The following NISCH variants were observed in gnomAD, a reference collection of about 807,000 sequenced individuals.
NISCH encodes the protein I-1 receptor candidate protein.
In NISCH, 55 loss-of-function variants were observed where a neutral mutation model predicts 138.4. The ratio of observed to expected loss-of-function variants is 0.40; its 90% confidence interval spans 0.32 to 0.50. NISCH has a LOEUF of 0.50. Ranked by LOEUF, NISCH falls within the 20% of genes least tolerant of loss-of-function variation. The pLI, the probability that NISCH is intolerant of heterozygous loss-of-function variation, is 0.71. For synonymous variants in NISCH, 860 were observed against 861.5 expected (o/e 1.00, Z 0.03); for missense variants, 1,643 against 2,005.5 (o/e 0.82, Z 3.45).
At chr3:52,471,566 C>T in intron 4 of NISCH, 1 of 571,940 alleles carries the variant, frequency 1.7e-6, no homozygotes, top group Non-Finnish European at 3.1e-6. Flanking sequence ...GGCCTCACTC[C>T]TCCCTCAGTG....
At chr3:52,484,676 TG>T (rs1160009678) in intron 14 of NISCH, 39 bp downstream of exon 14, 1 of 1,610,694 alleles carries the variant, frequency 6.2e-7, no homozygotes, top group African/African-American at 1.3e-5. Flanking sequence ...CATACATCTG[TG>T]GGTGGACTCT....
chr3:52,457,982 CT>C, intron 2 of NISCH, 56 bp downstream of exon 2: 1 of 1,340,544 alleles, frequency 7.5e-7, no homozygotes, highest in Non-Finnish European at 1.1e-6. Context: ...CGTAGGCCAA[CT>C]TTCCATTGTG....
intron 3 of NISCH, among the ~76,000 whole-genome samples, chr3:52,459,253 C>T (rs985039643): frequency 3.3e-5 from 5 of 152,076 alleles, no homozygotes; most frequent in East Asian, 1.9e-4. Context: ...CATCTTGGGG[C>T]GTGTCATCAG....
chr3:52,471,157 G>A, intron 4 of NISCH: 1 of 552,558 alleles, frequency 1.8e-6, no homozygotes, highest in Non-Finnish European at 3.2e-6. Flanking sequence ...CCTCGCACCT[G>A]GTTTGTGCTT....
intron 14 of NISCH, 63 bp downstream of exon 14, chr3:52,484,700 T>C (rs1175121160): frequency 2.5e-6 from 4 of 1,598,754 alleles, no homozygotes; most frequent in Non-Finnish European, 3.4e-6. Context: ...TGCTTGGGGT[T>C]GTGTGCAGTA....
rs1422831765 is a variant in NISCH, at chr3:52,492,065, C to T, written c.4098C>T (p.Gly1366=). 1 of 1,612,754 alleles carries T rather than the reference C, an allele frequency of 6.2e-7. No homozygotes were observed. Among genetic ancestry groups the T allele is most frequent in the Non-Finnish European group, 8.5e-7 (1 of 1,179,882 alleles). ...VGMPPPGCCR[G]PLRPKTLLLT... ...TGCCACCCCCTGGGTGCTGCAGGGG[C>T]CCCCTGCGCCCCAAGACACTCCTGC... is the stretch of plus-strand genomic sequence containing the variant. The change falls in exon 21 of 21, where the codon GGC becomes GGT. Residue 1366 remains glycine (G), a synonymous_variant. Coordinates refer to ENST00000345716, the MANE Select transcript of NISCH (RefSeq NM_007184.4).
chr3:52,477,765 G>A (rs1183321013), intron 9 of NISCH, 123 bp downstream of exon 9: 7 of 793,698 alleles, frequency 8.8e-6, no homozygotes, highest in East Asian at 2.5e-5. Flanking sequence ...TGCTGTCTTC[G>A]CTTTAGGATC....
At position 52,458,845 on chromosome 3, in the gene NISCH, G is replaced by A; in HGVS notation, c.360+1G>A. ...CCACTTCTTGCATTTTCACTTCTAT[G>A]TAAGTTCCTCATCGGGTTTTCACCT... On this transcript the variant is annotated splice_donor_variant, in intron 3 of 20. Coordinates refer to ENST00000345716, the MANE Select transcript of NISCH (RefSeq NM_007184.4). LOFTEE classifies it high-confidence loss of function. The A allele has an allele frequency of 6.3e-7, 1 of 1,586,626 alleles. No homozygotes were observed. The highest frequency in any genetic ancestry group is 8.6e-7 in the Non-Finnish European group (1 of 1,169,276).
intron 19 of NISCH, 79 bp from the exon 20 acceptor site, chr3:52,491,273 G>T: frequency 6.6e-7 from 1 of 1,521,510 alleles, no homozygotes; most frequent in Non-Finnish European, 8.8e-7. Context: ...GCTTGCTAGG[G>T]ACTCGGGGTG....
At chr3:52,470,184 GAATTAGGATC>G (rs1411473520) in intron 3 of NISCH, among the ~76,000 whole-genome samples, 1 of 152,118 alleles carries the variant, frequency 6.6e-6, no homozygotes, top group East Asian at 1.9e-4. Context: ...GACCCAGTAT[GAATTAGGATC>G]CAAGCGTGTT....
intron 14 of NISCH, among the ~76,000 whole-genome samples, chr3:52,485,319 C>G (rs1027394481): frequency 2.0e-5 from 3 of 152,232 alleles, no homozygotes; most frequent in Non-Finnish European, 4.4e-5. Flanking sequence ...CCACAGTATT[C>G]TGCCATCACC....
intron 8 of NISCH, among the ~76,000 whole-genome samples, chr3:52,476,910 T>C (rs1437743148): frequency 6.6e-6 from 1 of 152,136 alleles, no homozygotes; most frequent in Non-Finnish European, 1.5e-5. Flanking sequence ...GGTGCACACC[T>C]GTAATCCCAG....
chr3:52,489,537 G>C lies in NISCH; in HGVS notation c.3315G>C (p.Gln1105His), dbSNP rs1182583919. ...PAPPPAEAPA[Q>H]YPSEHLIQAT... The stretch of plus-strand genomic sequence containing the variant: ...CACCCCCAGCCGAGGCCCCTGCCCA[G>C]TACCCGAGTGAGCACCTCATCCAGG... Residue 1105 changes from glutamine (Q) to histidine (H), a missense_variant, in exon 17 of 21, where the codon CAG becomes CAC. By Grantham distance (24) the Gln-to-His change is conservative. Transcript: ENST00000345716. The C allele has an allele frequency of 6.2e-7, 1 of 1,613,240 alleles. No individual in the cohort carries two copies. The highest frequency in any genetic ancestry group is 8.5e-7 in the Non-Finnish European group (1 of 1,179,996).
intron 19 of NISCH, 64 bp from the exon 20 acceptor site, chr3:52,491,288 T>C: frequency 6.5e-7 from 1 of 1,549,774 alleles, no homozygotes; most frequent in Non-Finnish European, 8.7e-7. Context: ...GGGGTGGCTC[T>C]AAGGGGCAGG....
rs763889796 is a variant in NISCH, at chr3:52,473,782, C to G, written c.718C>G (p.Pro240Ala). The change falls in exon 7 of 21, where the codon CCC becomes GCC. Residue 240 changes from proline to alanine, a missense_variant. By Grantham distance (27) the Pro-to-Ala change is conservative (BLOSUM62 -1). Coordinates refer to ENST00000345716, the MANE Select transcript of NISCH (RefSeq NM_007184.4). ...KHIRGLVASKPTLATLSVRFS... is the reference protein window; with the variant it reads ...KHIRGLVASKATLATLSVRFS... ...CATCAGAGGGCTGGTCGCATCGAAG[C>G]CCACCTTAGCCACGCTGAGTGTCCG... 8 of 1,609,658 alleles carry G rather than the reference C, an allele frequency of 5.0e-6. No homozygotes were observed. In the East Asian group the frequency reaches 1.6e-4, roughly 32 times the overall value.
Position 52,487,502 on chromosome 3 carries a change from G to A in NISCH, c.2010G>A (p.Gln670=), listed in dbSNP as rs764193059. The A allele has an allele frequency of 1.9e-6, 3 of 1,603,388 alleles. No homozygotes were observed. Among genetic ancestry groups the A allele is most frequent in the Non-Finnish European group, 1.7e-6 (2 of 1,173,006 alleles). Residue 670 remains glutamine, a synonymous_variant, in exon 16 of 21, where the codon CAG becomes CAA. Transcript: ENST00000345716. The surrounding 1 kb of genome is among the most constrained non-coding windows in gnomAD (Gnocchi z 9.1). ...PDVEEEEGGG[Q]GEEEEEEEED... The stretch of plus-strand genomic sequence containing the variant: ...TGGAGGAGGAGGAGGGAGGAGGCCA[G>A]GGGGAGGAAGAGGAGGAGGAAGAGG...
chr3:52,491,748 C>A, intron 20 of NISCH, 124 bp from the exon 21 acceptor site: 1 of 1,320,268 alleles, frequency 7.6e-7, no homozygotes, highest in Non-Finnish European at 1.0e-6. Flanking sequence ...GTGGGCCCCA[C>A]ACTTGGAGCA....
chr3:52,492,648 T>C lies in NISCH; in HGVS notation c.*166T>C, dbSNP rs534767200. Reference sequence around the variant, plus strand: ...TGTGTTGTGTTAATTCTTTCTCATGTTGGGAGTGAGAATGCCGGGCCCCTC... The same window carrying C: ...TGTGTTGTGTTAATTCTTTCTCATGCTGGGAGTGAGAATGCCGGGCCCCTC... On this transcript the variant is annotated 3_prime_UTR_variant, in exon 21 of 21. Coordinates refer to ENST00000345716, the MANE Select transcript of NISCH (RefSeq NM_007184.4). 9.8e-7 allele frequency: 1 copy of C among 1,023,142 alleles called. No homozygotes were observed. Among genetic ancestry groups the C allele is most frequent in the South Asian group, 1.8e-5 (1 of 55,938 alleles). The allele number at this position is 1,023,142 out of a possible 1,614,324, so 63.4% of individuals were successfully genotyped here.
Position 52,470,869 on chromosome 3 carries a change from G to A in NISCH, c.371G>A (p.Gly124Asp). The A allele has an allele frequency of 6.2e-7, 1 of 1,614,118 alleles. No homozygotes were observed. The highest frequency in any genetic ancestry group is 8.5e-7 in the Non-Finnish European group (1 of 1,180,000). Reference sequence around the variant, plus strand: ...TTGTGTTCTCTGCAGGAGATAAATGGCATCACCGCGGCACTGGCTGAAGAG... The same window carrying A: ...TTGTGTTCTCTGCAGGAGATAAATGACATCACCGCGGCACTGGCTGAAGAG... ...FLHFHFYEINGITAALAEELF... is the reference protein window; with the variant it reads ...FLHFHFYEINDITAALAEELF... The change falls in exon 4 of 21, where the codon GGC becomes GAC. Residue 124 changes from glycine (G) to aspartate (D), a missense_variant. Coordinates refer to ENST00000345716, the MANE Select transcript of NISCH (RefSeq NM_007184.4).
Sources: gnomAD v4.1 joint callset for allele counts (sites outside exome capture counted in the v4.1 genomes callset) on GRCh38, gnomAD v4.1.1 for gene constraint, Gnocchi (gnomAD v3.1) non-coding constraint, MANE v1.5 for transcripts, NCBI Gene and HGNC (gene_info 2026-07-23, HGNC 2026-07-21) for gene names.